The following ZSCAN18 variants were observed in gnomAD, a reference collection of about 807,000 sequenced individuals.
The protein encoded by ZSCAN18 is zinc finger and SCAN domain-containing protein 18.
Under a neutral mutation model 31.1 loss-of-function variants are expected in ZSCAN18, and 16 were observed. The ratio of observed to expected loss-of-function variants is 0.51; its 90% CI spans 0.35 to 0.78. The LOEUF is 0.78. Among genes scored for constraint, ZSCAN18 ranks in the 30% least tolerant of loss-of-function variants. ZSCAN18 has a pLI of 0.01. For missense variants in ZSCAN18, 731 were observed against 697.4 expected (o/e 1.05, Z -0.54); for synonymous variants, 375 against 320.7 (o/e 1.17, Z -1.81).
intron 1 of ZSCAN18, among the ~76,000 whole-genome samples, chr19:58,103,296 C>T (rs2074609665): frequency 6.6e-6 from 1 of 152,132 alleles, no homozygotes; most frequent in Admixed American, 6.6e-5. Context: ...ACCTTGTTTT[C>T]TTGCACTTTG....
rs75484882 is a variant in ZSCAN18, at chr19:58,085,334, G to A, written c.884C>T (p.Ala295Val). 1 of 1,594,096 alleles carries A rather than the reference G, an allele frequency of 6.3e-7. No homozygotes were observed. The highest frequency in any genetic ancestry group is 1.1e-5 in the South Asian group (1 of 90,646). ...CTCAGGCAGCACCCCCGCGGGGGCGGCCTCCTCGCAGGCGCACCCAGCGCT... is the reference window on the plus strand; with the variant it reads ...CTCAGGCAGCACCCCCGCGGGGGCGACCTCCTCGCAGGCGCACCCAGCGCT... ...QESAGCACEE[A>V]APAGVLPELP... The change falls in exon 7 of 7, where the codon GCC (alanine) becomes GTC (valine). Residue 295 changes from alanine (A) to valine (V), a missense_variant. Physicochemically the swap from Ala to Val is moderately conservative, Grantham distance 64. Transcript: ENST00000601144.
chr19:58,096,912 G>A (rs1161801174), intron 1 of ZSCAN18, among the ~76,000 whole-genome samples: 1 of 152,158 alleles, frequency 6.6e-6, no homozygotes, highest in Admixed American at 6.5e-5. Context: ...CACTCGCCAG[G>A]ACAGACAGAA....
intron 1 of ZSCAN18, among the ~76,000 whole-genome samples, chr19:58,097,078 G>C (rs564278741): frequency 7.2e-4 from 109 of 152,316 alleles, no homozygotes; most frequent in African/African-American, 2.4e-3. Context: ...CCATCCGCAG[G>C]ACATGATGGG....
chr19:58,108,382 G>A (rs2074652867), intron 1 of ZSCAN18: 3 of 985,400 alleles, frequency 3.0e-6, no homozygotes, highest in Non-Finnish European at 3.6e-6. Context: ...TGCAAAACAA[G>A]GGAAGAGTGG....
At chr19:58,101,034 G>A (rs1460605577), upstream of ZSCAN18, among the ~76,000 whole-genome samples, 1 of 151,986 alleles carries the variant, frequency 6.6e-6, no homozygotes, top group African/African-American at 2.4e-5. Flanking sequence ...CCGGGTTCTC[G>A]ATTCCGTTCC....
chr19:58,084,719 TCGCCCTCCACGCTCTCTGGGGGA>T lies in ZSCAN18; in HGVS notation c.1476_1498del (p.Pro493GlyfsTer55). ...CGCCTCTGGGGGTGCGGGGGGAGCC[TCGCCCTCCACGCTCTCTGGGGGA>T]CCGCCCGCCCTAGCCCCCGCCTGGG... On this transcript the variant is annotated frameshift_variant, in exon 7 of 7. Transcript: ENST00000601144. LOFTEE classifies it low-confidence loss of function (END_TRUNC). The surrounding 1 kb of genome is among the most constrained non-coding windows in gnomAD (Gnocchi z 4.5). 6.6e-7 allele frequency: 1 copy of T among 1,515,266 alleles called. No individual in the cohort carries two copies. The allele number at this position is 1,515,266 out of a possible 1,614,324, so 93.9% of individuals were successfully genotyped here.
chr19:58,101,191 G>A (rs1295408163), upstream of ZSCAN18, among the ~76,000 whole-genome samples: 1 of 150,304 alleles, frequency 6.7e-6, no homozygotes, highest in African/African-American at 2.5e-5. Flanking sequence ...GGAGCGCAGT[G>A]GCGCGATCTC....
intron 1 of ZSCAN18, among the ~76,000 whole-genome samples, chr19:58,107,373 A>G (rs1260552127): frequency 6.6e-6 from 1 of 151,110 alleles, no homozygotes; most frequent in Non-Finnish European, 1.5e-5. Flanking sequence ...CCTGACCAAC[A>G]TGGTGAAACC....
chr19:58,097,028 G>C (rs776156586), intron 1 of ZSCAN18, among the ~76,000 whole-genome samples: 1 of 152,086 alleles, frequency 6.6e-6, no homozygotes, highest in Non-Finnish European at 1.5e-5. Flanking sequence ...ACAGCAACTC[G>C]ATGCGACACG....
At chr19:58,117,765 G>A (rs1430440081) in intron 1 of ZSCAN18, among the ~76,000 whole-genome samples, 1 of 149,956 alleles carries the variant, frequency 6.7e-6, no homozygotes, top group Non-Finnish European at 1.5e-5. Flanking sequence ...TTAAGGGACA[G>A]GCGAAAAAAA....
intron 1 of ZSCAN18, chr19:58,092,769 T>C (rs2074440231): frequency 2.2e-6 from 2 of 929,328 alleles, no homozygotes; most frequent in South Asian, 5.0e-5. Context: ...ACGATACCTC[T>C]ACTTTTTTTT....
At chr19:58,118,421 A>G (rs1177911705), upstream of ZSCAN18, 3 of 1,473,062 alleles carry the variant, frequency 2.0e-6, no homozygotes, top group Non-Finnish European at 1.8e-6. Context: ...CCCGGATGCG[A>G]TATTCCGGTG....
rs373293944 is a variant in ZSCAN18 at position 58,085,108 on chromosome 19, C to G, written c.1110G>C (p.Lys370Asn). ...CGTCCCCATCCTCGGGGTGCGGCCT[C>G]TTGGTTCCCAGTTTCGCCGTGCCCC... ...PDRGTAKLGT[K>N]RPHPEDGDGQ... The change falls in exon 7 of 7, where the codon AAG becomes AAC. Residue 370 changes from lysine (K) to asparagine (N), a missense_variant. Lys to Asn is a moderately conservative substitution (Grantham distance 94). Around this residue, in one of 4 missense-constraint regions of ZSCAN18, gnomAD observed 597 missense variants for 499.5 expected, o/e 1.20. Transcript: ENST00000601144. 3.1e-6 allele frequency: 5 copies of G among 1,607,580 alleles called. No individual in the cohort carries two copies. The highest frequency in any genetic ancestry group is 1.1e-5 in the South Asian group (1 of 90,558).
In ZSCAN18 at chr19:58,084,831, G is replaced by T; in HGVS notation, c.1387C>A (p.His463Asn). ...AGCGCGTAGCTTTTCTCCTTCTCGTGGGTCTTCTGGTGCTCGGCTAGGGCC... is the reference window on the plus strand; with the variant it reads ...AGCGCGTAGCTTTTCTCCTTCTCGTTGGTCTTCTGGTGCTCGGCTAGGGCC... ...SLALAEHQKT[H>N]EKEKSYALGG... The change falls in exon 7 of 7, where the codon CAC (histidine) becomes AAC (asparagine). Residue 463 changes from histidine (H) to asparagine (N), a missense_variant. Around this residue, in one of 4 missense-constraint regions of ZSCAN18, gnomAD observed 597 missense variants for 499.5 expected, o/e 1.20. Coordinates refer to ENST00000601144, the MANE Select transcript of ZSCAN18 (RefSeq NM_001145543.2). The surrounding 1 kb of genome is among the most constrained non-coding windows in gnomAD (Gnocchi z 4.5). 3 of 1,597,106 alleles carry T rather than the reference G, an allele frequency of 1.9e-6. No homozygotes were observed. The highest frequency in any genetic ancestry group is 4.5e-5 in the East Asian group (2 of 44,318).
At chr19:58,100,170 G>C (rs149510864), upstream of ZSCAN18, among the ~76,000 whole-genome samples, 13 of 151,858 alleles carry the variant, frequency 8.6e-5, no homozygotes, top group African/African-American at 3.1e-4. Context: ...GCTAAGGCTG[G>C]TCTCAGACCC....
upstream of ZSCAN18, among the ~76,000 whole-genome samples, chr19:58,100,266 T>A (rs2074582719): frequency 1.3e-5 from 2 of 152,116 alleles, no homozygotes; most frequent in Admixed American, 6.6e-5. Context: ...TTCCAGTTTA[T>A]TTTAATGGAT....
rs2074219747 is a variant in ZSCAN18, at chr19:58,084,569, A to G, written c.*116T>C. ...AGGAGCGGATTCAGGGCACAGGCAG[A>G]GGACGTCCACAAACACCACAGGAAG... On this transcript the variant is annotated 3_prime_UTR_variant, in exon 7 of 7. Transcript: ENST00000601144. This position sits in a 1 kb window ranked among gnomAD's most constrained non-coding sequence, Gnocchi z 4.5. 2 of 1,043,752 alleles carry G rather than the reference A, an allele frequency of 1.9e-6. No individual in the cohort carries two copies. Among genetic ancestry groups the G allele is most frequent in the Admixed American group, 3.4e-5 (1 of 29,746 alleles). The allele number at this position is 1,043,752 out of a possible 1,614,324, so 64.7% of individuals were successfully genotyped here.
At chr19:58,096,356 G>T (rs1165337252) in intron 1 of ZSCAN18, among the ~76,000 whole-genome samples, 1 of 152,212 alleles carries the variant, frequency 6.6e-6, no homozygotes, top group Non-Finnish European at 1.5e-5. Context: ...TCCAGGATTT[G>T]CCTCAGATGG....
chr19:58,108,812 G>A (rs771690556), intron 1 of ZSCAN18: 15 of 983,050 alleles, frequency 1.5e-5, no homozygotes, highest in South Asian at 9.5e-5. Flanking sequence ...TAGAAAGGCT[G>A]AAGGAGTTAC....
Sources: allele counts gnomAD v4.1 joint callset (sites outside exome capture counted in the v4.1 genomes callset), GRCh38; gene constraint gnomAD v4.1.1; regional missense constraint gnomAD v4.1.1; non-coding constraint Gnocchi (gnomAD v3.1); transcripts MANE v1.5; gene names NCBI Gene and HGNC (gene_info 2026-07-23, HGNC 2026-07-21).